Variants in MYO18A observed in about 807,000 individuals in gnomAD.
MYO18A encodes unconventional myosin-XVIIIa.
Under a neutral mutation model 235.8 loss-of-function variants are expected in MYO18A, and 78 were observed. That is an observed-to-expected ratio of 0.33 (90% confidence interval 0.28 to 0.40). MYO18A has a LOEUF of 0.40. MYO18A is among the 10% of genes least tolerant of loss of function. The probability of loss-of-function intolerance (pLI) is 1.00; values close to 1 mark genes in which losing one functional copy is unlikely to be tolerated. For synonymous variants in MYO18A, 977 were observed against 1,077.8 expected, an observed-to-expected ratio of 0.91 and a Z score of 1.83; for missense variants, 2,215 against 2,699.3, an observed-to-expected ratio of 0.82 and a Z score of 3.98.
At chr17:29,090,697 C>A in intron 35 of MYO18A, 82 bp from the exon 36 acceptor site, 1 of 1,535,612 alleles carries the variant, frequency 6.5e-7, no homozygotes, top group African/African-American at 1.4e-5. Flanking sequence ...ACCAGGGGAC[C>A]GAGGTTCCCA....
At chr17:29,128,481 T>C in intron 2 of MYO18A, 1 of 1,288,396 alleles carries the variant, frequency 7.8e-7, no homozygotes, top group Non-Finnish European at 1.0e-6. Context: ...TCTGGGGGTA[T>C]CGGGCTGGTG....
chr17:29,134,397 T>A (rs2067544674), intron 2 of MYO18A, among the ~76,000 whole-genome samples: 1 of 152,096 alleles, frequency 6.6e-6, no homozygotes, highest in Non-Finnish European at 1.5e-5. Flanking sequence ...GCTGTGTGCT[T>A]TGAATAAGCC....
intron 2 of MYO18A, among the ~76,000 whole-genome samples, chr17:29,164,550 T>C (rs917153314): frequency 1.1e-4 from 16 of 152,168 alleles, no homozygotes; most frequent in African/African-American, 3.9e-4. Context: ...CTCTGCCTGT[T>C]TCCTCCCATT....
chr17:29,093,219 ACCC>A, intron 32 of MYO18A, 101 bp downstream of exon 32: 1 of 1,151,444 alleles, frequency 8.7e-7, no homozygotes, highest in Non-Finnish European at 1.2e-6. Context: ...CAGCACCCCC[ACCC>A]CCGACAGCTC....
chr17:29,080,325 G>C, intron 41 of MYO18A: 1 of 986,138 alleles, frequency 1.0e-6, no homozygotes, highest in Non-Finnish European at 1.2e-6. Context: ...CGCTGGAGCT[G>C]GGAGGCTCAT....
At chr17:29,094,160 G>T in intron 30 of MYO18A, 70 bp from the exon 31 acceptor site, 1 of 1,132,738 alleles carries the variant, frequency 8.8e-7, no homozygotes. Context: ...CCTGTGCATG[G>T]CTCTCCCTAG....
At position 29,140,342 on chromosome 17, in the gene MYO18A, G is replaced by A. The variant is rs758565311; in HGVS notation, c.1000-18089C>T. ...TGGGGGGTCAGAGGGACACTCACCCGCATGGCCTGGCCTGGAGCAGCCCAG... is the reference window on the plus strand; with the variant it reads ...TGGGGGGTCAGAGGGACACTCACCCACATGGCCTGGCCTGGAGCAGCCCAG... On this transcript the variant is annotated intron_variant, in intron 2 of 41. Coordinates refer to ENST00000527372, the MANE Select transcript of MYO18A (RefSeq NM_078471.4). The surrounding 1 kb of genome is among the most constrained non-coding windows in gnomAD (Gnocchi z 4.2). 8 of 1,271,688 alleles carry A rather than the reference G, an allele frequency of 6.3e-6. No homozygotes were observed. The South Asian group carries it at 8.9e-5, about 14-fold the overall frequency. The allele number at this position is 1,271,688 out of a possible 1,614,324, so 78.8% of individuals were successfully genotyped here.
intron 39 of MYO18A, among the ~76,000 whole-genome samples, chr17:29,086,216 G>A (rs771011050): frequency 6.6e-6 from 1 of 152,234 alleles, no homozygotes; most frequent in African/African-American, 2.4e-5. Flanking sequence ...CCTGGTCGTG[G>A]AGAGGGGAGA....
chr17:29,171,784 T>C (rs150722249), intron 1 of MYO18A, among the ~76,000 whole-genome samples: 2 of 151,958 alleles, frequency 1.3e-5, no homozygotes, highest in East Asian at 3.9e-4. Context: ...TGGGAGCTAC[T>C]TGGGAGGCTA....
intron 1 of MYO18A, among the ~76,000 whole-genome samples, chr17:29,174,687 C>T (rs554201432): frequency 7.9e-5 from 12 of 152,180 alleles, no homozygotes; most frequent in African/African-American, 2.9e-4. Context: ...AGTGGCGCAC[C>T]TGTAATCCCA....
chr17:29,130,656 G>A (rs1189291543), intron 2 of MYO18A, among the ~76,000 whole-genome samples: 1 of 152,172 alleles, frequency 6.6e-6, no homozygotes, highest in Admixed American at 6.5e-5. Context: ...GGGTAATGAA[G>A]TAAGAATATG....
intron 21 of MYO18A, 86 bp downstream of exon 21, chr17:29,103,513 G>A (rs1368291682): frequency 2.0e-5 from 27 of 1,343,954 alleles, no homozygotes; most frequent in Middle Eastern, 4.3e-4. Context: ...ATGTCTGGCT[G>A]AGCAAAGAGA....
chr17:29,157,113 G>A (rs762125179), intron 2 of MYO18A, among the ~76,000 whole-genome samples: 1 of 152,206 alleles, frequency 6.6e-6, no homozygotes, highest in African/African-American at 2.4e-5. Flanking sequence ...AAAGGTGAGA[G>A]GGGCAACGTC....
chr17:29,161,138 T>A (rs2068163264), intron 2 of MYO18A, among the ~76,000 whole-genome samples: 1 of 152,140 alleles, frequency 6.6e-6, no homozygotes. Flanking sequence ...GTGGATCACC[T>A]GAGGTCAGGA....
chr17:29,074,636 C>A lies in MYO18A; in HGVS notation c.*134G>T. On this transcript the variant is annotated 3_prime_UTR_variant, in exon 42 of 42. Coordinates refer to ENST00000527372, the MANE Select transcript of MYO18A (RefSeq NM_078471.4). This position sits in a 1 kb window ranked among gnomAD's most constrained non-coding sequence, Gnocchi z 4.4. ...CCCATAGCCTGGAAAGTGCCCCTGA[C>A]AGAAGAAGGTCAGGGTGTTTCCCAT... 1 of 965,754 alleles carries A rather than the reference C, an allele frequency of 1.0e-6. No homozygotes were observed. Among genetic ancestry groups the A allele is most frequent in the Non-Finnish European group, 1.6e-6 (1 of 628,150 alleles). 59.8% of individuals were successfully genotyped at this position (965,754 alleles called of 1,614,324 possible).
chr17:29,084,476 T>TC (rs2066201489), intron 40 of MYO18A, among the ~76,000 whole-genome samples: 1 of 152,216 alleles, frequency 6.6e-6, no homozygotes, highest in South Asian at 2.1e-4. Context: ...GTAAACAAAC[T>TC]CCAGGGGCAG....
rs1598248663 is a variant in MYO18A, at chr17:29,073,077, AAGAG to A, written c.*1689_*1692del. 1 of 143,602 alleles carries A rather than the reference AAGAG, an allele frequency of 7.0e-6. No homozygotes were observed. The highest frequency in any genetic ancestry group is 2.2e-4 in the South Asian group (1 of 4,510). 8.9% of individuals were successfully genotyped at this position (143,602 alleles called of 1,614,324 possible). A position where few individuals can be genotyped will look rare whatever the true frequency, so the allele number is the denominator to read the frequency against. On this transcript the variant is annotated 3_prime_UTR_variant, in exon 42 of 42. Transcript: ENST00000527372. ...TGAGAAGGGCTTGAATCCAAAAAGA[AAGAG>A]AATGAAAGAAAGAAAGAGAGAGAGA...
chr17:29,118,589 A>G lies in MYO18A; in HGVS notation c.1830-149T>C, dbSNP rs1000852284. 45 of 696,916 alleles carry G rather than the reference A, an allele frequency of 6.5e-5. No individual in the cohort carries two copies. The highest frequency in any genetic ancestry group is 9.9e-5 in the Non-Finnish European group (40 of 405,082). The allele number at this position is 696,916 out of a possible 1,614,324, so 43.2% of individuals were successfully genotyped here. ...ATCCCCAACTGGCGGGCCAGCTGTC[A>G]CTGCTTTCCTAACTGGCCTGGATGC... On this transcript the variant is annotated intron_variant, in intron 8 of 41. Coordinates refer to ENST00000527372, the MANE Select transcript of MYO18A (RefSeq NM_078471.4). This position sits in a 1 kb window ranked among gnomAD's most constrained non-coding sequence, Gnocchi z 4.2.
At position 29,086,430 on chromosome 17, in the gene MYO18A, C is replaced by T. The variant is rs1430467072; in HGVS notation, c.5852+8G>A. 6.3e-7 allele frequency: 1 copy of T among 1,591,380 alleles called. No individual in the cohort carries two copies. The highest frequency in any genetic ancestry group is 8.6e-7 in the Non-Finnish European group (1 of 1,168,500). On this transcript the variant is annotated splice_region_variant and intron_variant, in intron 39 of 41. Coordinates refer to ENST00000527372, the MANE Select transcript of MYO18A (RefSeq NM_078471.4). ...CTAGCTGCAGATGCCCCAGAGGCCA[C>T]TTCTCACCTGTTGATGAGGTCCTCA...
Sources: gnomAD v4.1 joint callset for allele counts (sites outside exome capture counted in the v4.1 genomes callset) on GRCh38, gnomAD v4.1.1 for gene constraint, Gnocchi (gnomAD v3.1) non-coding constraint, MANE v1.5 for transcripts, NCBI Gene and HGNC (gene_info 2026-07-23, HGNC 2026-07-21) for gene names.